The following DGKH variants were observed in gnomAD, a reference collection of about 807,000 sequenced individuals.
DGKH encodes the protein diacylglycerol kinase eta.
A neutral mutation model predicts 159.3 loss-of-function variants in DGKH; 90 were observed. That is an observed-to-expected ratio of 0.57 (90% CI 0.48 to 0.67). The LOEUF (loss-of-function observed/expected upper bound fraction) is 0.67. DGKH is among the 30% of genes least tolerant of loss of function. DGKH has a pLI of 0.00. For missense variants in DGKH, 1,181 were observed against 1,506.1 expected, an observed-to-expected ratio of 0.78 and a Z score of 3.57; for synonymous variants, 536 against 553.8, an observed-to-expected ratio of 0.97 and a Z score of 0.45.
rs913040645 is a variant in DGKH at position 42,230,259 on chromosome 13, C to T, written c.*1071C>T. 5.3e-5 allele frequency: 8 copies of T among 151,926 alleles called. No homozygotes were observed. The highest frequency in any genetic ancestry group is 1.2e-4 in the African/African-American group (5 of 41,358). 9.4% of individuals were successfully genotyped at this position (151,926 alleles called of 1,614,324 possible). A position where few individuals can be genotyped will look rare whatever the true frequency, so the allele number is the denominator to read the frequency against. ...TGAGATTTATATACTGACAGATAAC[C>T]CAGACTCACCCGCTCTCTACAGTGA... On this transcript the variant is annotated 3_prime_UTR_variant, in exon 30 of 30. Coordinates refer to ENST00000337343, the MANE Select transcript of DGKH (RefSeq NM_178009.5).
Position 42,249,977 on chromosome 13 carries a change from G to GC in DGKH, n.4055-2432_4055-2431insC, listed in dbSNP as rs539266125. ...CCAGCTCCAGTTTTTTTGTTTTTTT[G>GC]TTTTTTTTTTTTAGATGGAGTCTTG... On this transcript the variant is annotated intron_variant and non_coding_transcript_variant, in intron 29 of 30. Coordinates refer to the DGKH transcript ENST00000498255. 1.3e-3 allele frequency among the ~76,000 whole-genome samples: 184 copies of GC among 141,732 alleles called. 3 individuals carry two copies. Among genetic ancestry groups the GC allele is most frequent in the African/African-American group, 4.5e-3 (174 of 38,960 alleles). 93.0% of individuals were successfully genotyped at this position (141,732 alleles called of 152,430 possible).
intron 1 of DGKH, among the ~76,000 whole-genome samples, chr13:42,081,850 T>A (rs1428086531): frequency 1.3e-5 from 2 of 152,336 alleles, no homozygotes; most frequent in South Asian, 2.1e-4. Context: ...GAAACCAAGA[T>A]CTGAGCCTTA....
At position 42,160,134 on chromosome 13, in the gene DGKH, A is replaced by C; in HGVS notation, c.853A>C (p.Met285Leu). ...TTGGAAATGCCTTTGGTGTAAGACA[A>C]TGGTGAGGGTTTTGGAATCAGTTCA... is the stretch of plus-strand genomic sequence containing the variant. The part of the protein sequence containing the change: ...QDWKCLWCKT[M>L]VHTACKDLYH... Residue 285 changes from methionine (M) to leucine (L), a missense_variant and splice_region_variant, in exon 7 of 30, where the codon ATG (methionine) becomes CTG (leucine). Met to Leu is a conservative substitution (Grantham distance 15). Transcript: ENST00000337343. The C allele has an allele frequency of 6.2e-7, 1 of 1,614,234 alleles. No individual in the cohort carries two copies. Among genetic ancestry groups the C allele is most frequent in the Non-Finnish European group, 8.5e-7 (1 of 1,180,034 alleles).
intron 28 of DGKH, chr13:42,221,052 C>A: frequency 2.0e-6 from 1 of 507,940 alleles, no homozygotes; most frequent in South Asian, 3.3e-5. Context: ...TGCACGGCAG[C>A]AAATGGTTTT....
At chr13:42,080,847 TTTA>T (rs1423896315) in intron 1 of DGKH, among the ~76,000 whole-genome samples, 2 of 152,154 alleles carry the variant, frequency 1.3e-5, no homozygotes, top group Non-Finnish European at 2.9e-5. Flanking sequence ...ATTACAGCTT[TTTA>T]TAAGATTTTA....
chr13:42,214,484 AT>A, intron 24 of DGKH, 22 bp from the exon 25 acceptor site: 1 of 1,596,140 alleles, frequency 6.3e-7, no homozygotes, highest in Non-Finnish European at 8.5e-7. Context: ...TTTTTTATTC[AT>A]TTGTTTCATT....
At chr13:42,051,646 C>CCTTTT (rs1881314445) in intron 1 of DGKH, among the ~76,000 whole-genome samples, 1 of 50,130 alleles carries the variant, frequency 2.0e-5, no homozygotes, top group African/African-American at 7.6e-5. Flanking sequence ...TCAAAGCCAT[C>CCTTTT]TTTTTTTTTT....
chr13:42,119,841 T>C (rs975686055), intron 1 of DGKH, among the ~76,000 whole-genome samples: 3 of 152,238 alleles, frequency 2.0e-5, no homozygotes, highest in African/African-American at 7.2e-5. Context: ...TTATTTAACA[T>C]ACTATCAAGT....
At chr13:42,110,950 G>A (rs1954852055) in intron 1 of DGKH, among the ~76,000 whole-genome samples, 1 of 152,222 alleles carries the variant, frequency 6.6e-6, no homozygotes, top group African/African-American at 2.4e-5. Flanking sequence ...AATACCTGCT[G>A]GGCTTAACAC....
intron 1 of DGKH, among the ~76,000 whole-genome samples, chr13:42,061,678 A>T (rs1317304862): frequency 6.6e-6 from 1 of 152,180 alleles, no homozygotes; most frequent in East Asian, 1.9e-4. Context: ...GAGAAATATG[A>T]TACATAATAC....
intron 3 of DGKH, among the ~76,000 whole-genome samples, chr13:42,138,390 A>G (rs540263614): frequency 2.6e-4 from 40 of 152,324 alleles, no homozygotes; most frequent in African/African-American, 9.6e-4. Flanking sequence ...GAGATGGTGG[A>G]AACTGAAATT....
chr13:42,219,915 A>T, intron 28 of DGKH, 121 bp downstream of exon 28: 4 of 758,860 alleles, frequency 5.3e-6, no homozygotes, highest in Non-Finnish European at 8.6e-6. Context: ...GTGCAGTATG[A>T]TGAACATACT....
chr13:42,127,507 C>T lies in DGKH; in HGVS notation c.237C>T (p.Phe79=). Residue 79 remains phenylalanine (F), a synonymous_variant, in exon 2 of 30, where the codon TTC becomes TTT. Transcript: ENST00000337343. ...EGQLLKQTSS[F]QRWKKRYFKL... ...AGCTATTGAAGCAAACCAGTTCTTT[C>T]CAAAGGTGGAAAAAGCGATACTTCA... 6.2e-7 allele frequency: 1 copy of T among 1,613,804 alleles called. No homozygotes were observed. The highest frequency in any genetic ancestry group is 8.5e-7 in the Non-Finnish European group (1 of 1,179,808).
chr13:42,065,080 G>A (rs562777019), intron 1 of DGKH, among the ~76,000 whole-genome samples: 22 of 152,152 alleles, frequency 1.4e-4, no homozygotes, highest in Non-Finnish European at 2.6e-4. Flanking sequence ...TGCCAATTAC[G>A]TATTCAGGAA....
intron 12 of DGKH, among the ~76,000 whole-genome samples, chr13:42,177,187 A>G (rs1485045982): frequency 6.6e-6 from 1 of 152,080 alleles, no homozygotes; most frequent in East Asian, 1.9e-4. Context: ...GCCCTCTTTC[A>G]GTCAAGACCC....
At chr13:42,162,658 G>A (rs1162646479) in intron 7 of DGKH, among the ~76,000 whole-genome samples, 1 of 151,908 alleles carries the variant, frequency 6.6e-6, no homozygotes, top group Non-Finnish European at 1.5e-5. Context: ...ACAAAAATTA[G>A]CCAGGAGCAG....
At chr13:42,139,429 T>C (rs576143547) in intron 3 of DGKH, among the ~76,000 whole-genome samples, 4 of 152,322 alleles carry the variant, frequency 2.6e-5, no homozygotes, top group Admixed American at 1.3e-4. Flanking sequence ...ACACTATCAA[T>C]AGGTTGGGAG....
At chr13:42,054,195 T>C (rs1335942871) in intron 1 of DGKH, among the ~76,000 whole-genome samples, 1 of 152,222 alleles carries the variant, frequency 6.6e-6, no homozygotes, top group Non-Finnish European at 1.5e-5. Context: ...CTGGGTCATA[T>C]GGTTCATGGC....
At chr13:42,123,978 T>A in intron 1 of DGKH, among the ~76,000 whole-genome samples, 1 of 152,200 alleles carries the variant, frequency 6.6e-6, no homozygotes, top group East Asian at 1.9e-4. Flanking sequence ...ATGGCCATAT[T>A]TGTATGTCAA....
Sources: allele counts gnomAD v4.1 joint callset (sites outside exome capture counted in the v4.1 genomes callset), GRCh38; gene constraint gnomAD v4.1.1; transcripts MANE v1.5; gene names NCBI Gene and HGNC (gene_info 2026-07-23, HGNC 2026-07-21).